FBXL17: variants seen among roughly 807,000 people sequenced by gnomAD.
The protein encoded by FBXL17 is F-box and leucine rich repeat protein 17, also known as F-box/LRR-repeat protein 17.
A neutral mutation model predicts 66.2 loss-of-function variants in FBXL17; 22 were observed. The ratio of observed to expected loss-of-function variants is 0.33; its 90% CI spans 0.24 to 0.47. The LOEUF is 0.47. Ranked by LOEUF, FBXL17 falls within the 20% of genes least tolerant of loss-of-function variation. FBXL17 has a pLI of 1.00. For synonymous variants in FBXL17, 474 were observed against 400.5 expected (o/e 1.18, Z -2.19); for missense variants, 878 against 948.2 (o/e 0.93, Z 0.97).
At chr5:107,938,686 G>T (rs1750989948) in intron 7 of FBXL17, among the ~76,000 whole-genome samples, 1 of 152,062 alleles carries the variant, frequency 6.6e-6, no homozygotes, top group South Asian at 2.1e-4. Context: ...TGATATATTA[G>T]TATACTCTCC....
At chr5:108,267,539 G>A (rs1363130932) in intron 4 of FBXL17, among the ~76,000 whole-genome samples, 1 of 152,018 alleles carries the variant, frequency 6.6e-6, no homozygotes, top group East Asian at 1.9e-4. Context: ...TCATCATTAA[G>A]TATTAATTTC....
intron 6 of FBXL17, among the ~76,000 whole-genome samples, chr5:108,103,310 C>T (rs1749670569): frequency 6.6e-6 from 1 of 152,112 alleles, no homozygotes; most frequent in South Asian, 2.1e-4. Context: ...CTGCAGCTTA[C>T]GGTTTTAAGC....
At chr5:108,050,863 T>C (rs1165325834) in intron 6 of FBXL17, among the ~76,000 whole-genome samples, 1 of 151,906 alleles carries the variant, frequency 6.6e-6, no homozygotes, top group Non-Finnish European at 1.5e-5. Flanking sequence ...AAAAATCAAA[T>C]ATATTTGATG....
intron 6 of FBXL17, among the ~76,000 whole-genome samples, chr5:108,100,916 C>T (rs1338700812): frequency 6.6e-6 from 1 of 152,104 alleles, no homozygotes; most frequent in Non-Finnish European, 1.5e-5. Context: ...ACTACAAATA[C>T]AGATGGAGCT....
chr5:108,348,327 T>A (rs1747409332), intron 4 of FBXL17, 72 bp downstream of exon 4: 2 of 1,368,414 alleles, frequency 1.5e-6, no homozygotes, highest in East Asian at 4.8e-5. Context: ...CAGAAAAAAT[T>A]ATAAATAAAC....
At chr5:107,971,155 C>T (rs1752357420) in intron 7 of FBXL17, among the ~76,000 whole-genome samples, 1 of 152,132 alleles carries the variant, frequency 6.6e-6, no homozygotes, top group Non-Finnish European at 1.5e-5. Context: ...TTCTGGAAAA[C>T]ACCAGTTCAA....
At chr5:108,197,187 G>A (rs1181160415) in intron 5 of FBXL17, among the ~76,000 whole-genome samples, 5 of 152,108 alleles carry the variant, frequency 3.3e-5, no homozygotes, top group Non-Finnish European at 5.9e-5. Context: ...AGTTAGCAGC[G>A]CTAAGCAGCC....
chr5:107,924,883 A>T (rs1750473697), intron 7 of FBXL17, among the ~76,000 whole-genome samples: 1 of 152,206 alleles, frequency 6.6e-6, no homozygotes, highest in Middle Eastern at 3.2e-3. Context: ...TAATATGTGA[A>T]ATAGAGCAAT....
rs139262339 is a variant in FBXL17 at position 108,109,175 on chromosome 5, T to C, written c.1745+76942A>G. Among the ~76,000 whole-genome samples the C allele has an allele frequency of 2.8e-3, 425 of 152,172 alleles. 2 individuals are homozygous for C. The highest frequency in any genetic ancestry group is 9.7e-3 in the African/African-American group (401 of 41,530). On this transcript the variant is annotated intron_variant, in intron 6 of 8. Coordinates refer to ENST00000542267, the MANE Select transcript of FBXL17 (RefSeq NM_001163315.3). ...TTACAAAAGGAAGGACAAAGAGTAA[T>C]GGAGAGAACTGATGAGGGTCAGGAC...
At chr5:108,374,996 C>G (rs542745413) in intron 1 of FBXL17, among the ~76,000 whole-genome samples, 2 of 151,850 alleles carry the variant, frequency 1.3e-5, no homozygotes, top group Non-Finnish European at 2.9e-5. Context: ...AAAAATACAG[C>G]TAATACAAAT....
Position 108,371,772 on chromosome 5 carries a change from G to A in FBXL17, c.994-3819C>T, listed in dbSNP as rs1249967387. ...AAGAATTATAGAACTAAATTATACA[G>A]TAATGACATTTTAAAATTCACTACA... On this transcript the variant is annotated intron_variant, in intron 1 of 8. Coordinates refer to ENST00000542267, the MANE Select transcript of FBXL17 (RefSeq NM_001163315.3). Among the ~76,000 whole-genome samples the A allele has an allele frequency of 3.3e-5, 5 of 152,312 alleles. No individual in the cohort carries two copies. In the East Asian group the frequency reaches 9.6e-4, roughly 29 times the overall value.
intron 1 of FBXL17, among the ~76,000 whole-genome samples, chr5:108,370,287 C>G (rs899048154): frequency 6.6e-6 from 1 of 152,036 alleles, no homozygotes; most frequent in African/African-American, 2.4e-5. Flanking sequence ...TACATGATTT[C>G]AATTATAATT....
At chr5:107,971,320 A>C (rs1752365584) in intron 7 of FBXL17, among the ~76,000 whole-genome samples, 1 of 152,138 alleles carries the variant, frequency 6.6e-6, no homozygotes, top group Non-Finnish European at 1.5e-5. Flanking sequence ...ATGGGATTTC[A>C]AATAGTTCTA....
chr5:108,074,987 G>T (rs1347311568), intron 6 of FBXL17, among the ~76,000 whole-genome samples: 2 of 152,330 alleles, frequency 1.3e-5, no homozygotes, highest in Non-Finnish European at 2.9e-5. Context: ...ATTGTGAAAG[G>T]ATTGCTCTGT....
intron 6 of FBXL17, 105 bp downstream of exon 6, chr5:108,186,012 C>A: frequency 1.2e-6 from 1 of 851,046 alleles, no homozygotes; most frequent in Non-Finnish European, 1.8e-6. Context: ...TTTGAAAAGG[C>A]ACAGCTGTAT....
intron 7 of FBXL17, among the ~76,000 whole-genome samples, chr5:107,992,485 T>C (rs868436567): frequency 1.4e-4 from 21 of 152,322 alleles, no homozygotes; most frequent in Middle Eastern, 3.4e-3. Context: ...TCTGTCATTA[T>C]TTATTTAATG....
chr5:108,303,213 T>A (rs1033484221), intron 4 of FBXL17, among the ~76,000 whole-genome samples: 2 of 151,852 alleles, frequency 1.3e-5, no homozygotes, highest in African/African-American at 2.4e-5. Context: ...AACAGCTGTA[T>A]AGTAAACCAC....
At chr5:107,971,633 T>G (rs557866677) in intron 7 of FBXL17, among the ~76,000 whole-genome samples, 1 of 152,272 alleles carries the variant, frequency 6.6e-6, no homozygotes, top group African/African-American at 2.4e-5. Flanking sequence ...GACCGTAAAT[T>G]AGGTTTCATT....
rs2112763838 is a variant in FBXL17, at chr5:108,020,956, T to C, written c.1791A>G (p.Leu597=). The C allele has an allele frequency of 1.9e-6, 3 of 1,610,694 alleles. No individual in the cohort carries two copies. The highest frequency in any genetic ancestry group is 2.5e-6 in the Non-Finnish European group (3 of 1,177,520). ...CTGTGATTTTACAGGACACCAAATA[T>C]AGCTCTTTCAGGTTTTGTCCTTCCT... is the stretch of plus-strand genomic sequence containing the variant. The part of the protein sequence containing the change: ...IAKEGQNLKE[L]YLVSCKITDY... Residue 597 remains leucine, a synonymous_variant, in exon 7 of 9, where the codon CTA becomes CTG. Transcript: ENST00000542267.
Sources: gnomAD v4.1 joint callset for allele counts (sites outside exome capture counted in the v4.1 genomes callset) on GRCh38, gnomAD v4.1.1 for gene constraint, MANE v1.5 for transcripts, NCBI Gene and HGNC (gene_info 2026-07-23, HGNC 2026-07-21) for gene names.